The following SOX6 variants were observed in gnomAD, a reference collection of about 807,000 sequenced individuals.
The protein encoded by SOX6 is SRY-box transcription factor 6.
SOX6 carries 11 observed loss-of-function variants against 97.8 expected under a neutral mutation model. The ratio of observed to expected loss-of-function variants is 0.11; its 90% CI spans 0.07 to 0.19. The LOEUF is 0.19. Ranked by LOEUF, SOX6 falls within the 10% of genes least tolerant of loss-of-function variation. SOX6 has a pLI of 1.00. For synonymous variants in SOX6, 360 were observed against 371.4 expected, an observed-to-expected ratio of 0.97 and a Z score of 0.35; for missense variants, 810 against 1,039.5, an observed-to-expected ratio of 0.78 and a Z score of 3.04.
chr11:16,203,347 C>G (rs1851989014), intron 4 of SOX6, among the ~76,000 whole-genome samples: 2 of 152,014 alleles, frequency 1.3e-5, no homozygotes, highest in African/African-American at 2.4e-5. Flanking sequence ...GTAACTCAAG[C>G]ATTACAGCAC....
chr11:16,476,273 T>C (rs1860245829), intron 1 of SOX6: 1 of 152,420 alleles, frequency 6.6e-6, no homozygotes, highest in South Asian at 2.1e-4. Flanking sequence ...CTGTAACTGT[T>C]TCATTACACA....
At chr11:16,114,269 T>G (rs1356500606) in intron 6 of SOX6, among the ~76,000 whole-genome samples, 1 of 152,186 alleles carries the variant, frequency 6.6e-6, no homozygotes, top group East Asian at 1.9e-4. Flanking sequence ...TCTAAAGGCC[T>G]TGTTGGCAAA....
intron 8 of SOX6, 66 bp downstream of exon 8, chr11:16,097,543 A>G: frequency 7.4e-7 from 1 of 1,351,984 alleles, no homozygotes; most frequent in Non-Finnish European, 1.1e-6. Flanking sequence ...TTTAGCATAC[A>G]GCTGGTTAGC....
At chr11:16,722,609 C>T (rs1049230808) in intron 2 of SOX6, among the ~76,000 whole-genome samples, 1 of 152,010 alleles carries the variant, frequency 6.6e-6, no homozygotes, top group African/African-American at 2.4e-5. Flanking sequence ...CAAGATCACA[C>T]CACTGCACTC....
chr11:16,493,634 TATTATATTCTATAA>T (rs1484652894), intron 4 of SOX6, among the ~76,000 whole-genome samples: 2 of 152,206 alleles, frequency 1.3e-5, no homozygotes, highest in Non-Finnish European at 2.9e-5. Flanking sequence ...TGTATTTGGG[TATTATATTCTATAA>T]TAAAAAGGTT....
At chr11:16,599,353 A>G (rs1254953098) in intron 4 of SOX6, among the ~76,000 whole-genome samples, 1 of 152,236 alleles carries the variant, frequency 6.6e-6, no homozygotes, top group Non-Finnish European at 1.5e-5. Flanking sequence ...GTTGGTCACC[A>G]AAGATGCAAA....
chr11:16,199,377 T>C (rs1370287004), intron 4 of SOX6, among the ~76,000 whole-genome samples: 1 of 152,220 alleles, frequency 6.6e-6, no homozygotes, highest in African/African-American at 2.4e-5. Flanking sequence ...ATTTTTTCTC[T>C]ACTGCAACAA....
At chr11:16,565,827 T>G (rs944067259) in intron 4 of SOX6, among the ~76,000 whole-genome samples, 1 of 151,774 alleles carries the variant, frequency 6.6e-6, no homozygotes, top group Non-Finnish European at 1.5e-5. Flanking sequence ...CCGGGCGCAG[T>G]GGCTCACACC....
chr11:16,548,571 T>C (rs1410004057), intron 4 of SOX6, among the ~76,000 whole-genome samples: 1 of 152,214 alleles, frequency 6.6e-6, no homozygotes, highest in East Asian at 1.9e-4. Flanking sequence ...GGTAAAGATA[T>C]CTCAAATGCA....
chr11:16,151,289 G>A (rs1850451781), intron 6 of SOX6, among the ~76,000 whole-genome samples: 1 of 152,092 alleles, frequency 6.6e-6, no homozygotes, highest in African/African-American at 2.4e-5. Flanking sequence ...TCTCAGAGCT[G>A]ACAATAGTGC....
At chr11:16,102,094 C>T (rs1336383591) in intron 7 of SOX6, among the ~76,000 whole-genome samples, 2 of 151,836 alleles carry the variant, frequency 1.3e-5, no homozygotes, top group South Asian at 2.1e-4. Flanking sequence ...CAAAGTGTCG[C>T]TGTTTGCTCA....
intron 12 of SOX6, among the ~76,000 whole-genome samples, chr11:16,045,461 T>C (rs139203760): frequency 2.0e-4 from 30 of 152,320 alleles, no homozygotes; most frequent in Admixed American, 3.3e-4. Context: ...GTAGGCAGAA[T>C]GATCCTTTTA....
At chr11:16,462,543 T>C (rs1047309544) in intron 1 of SOX6, among the ~76,000 whole-genome samples, 4 of 152,278 alleles carry the variant, frequency 2.6e-5, no homozygotes, top group Admixed American at 1.3e-4. Flanking sequence ...TTTTTAAAGA[T>C]GGCATAAGGA....
intron 1 of SOX6, among the ~76,000 whole-genome samples, chr11:16,440,604 T>C (rs1261817804): frequency 6.6e-6 from 1 of 152,236 alleles, no homozygotes; most frequent in Non-Finnish European, 1.5e-5. Flanking sequence ...TCAGTCAGTG[T>C]CTAAAATAGT....
intron 14 of SOX6, 24 bp from the exon 15 acceptor site, chr11:15,986,444 T>C: frequency 6.2e-7 from 1 of 1,610,090 alleles, no homozygotes; most frequent in Non-Finnish European, 8.5e-7. Context: ...TAGCCTTAAG[T>C]ACCCAAGTGG....
chr11:16,606,444 C>T (rs890084036), intron 4 of SOX6, among the ~76,000 whole-genome samples: 1 of 152,290 alleles, frequency 6.6e-6, no homozygotes, highest in African/African-American at 2.4e-5. Flanking sequence ...AAAGCCGACA[C>T]GCATTTGCTT....
intron 3 of SOX6, among the ~76,000 whole-genome samples, chr11:16,693,740 T>C (rs1848032883): frequency 6.6e-6 from 1 of 152,182 alleles, no homozygotes; most frequent in Non-Finnish European, 1.5e-5. Context: ...TATGAACAAA[T>C]GTATTTGTAA....
chr11:16,096,472 T>C (rs1848797348), intron 8 of SOX6, among the ~76,000 whole-genome samples: 1 of 151,866 alleles, frequency 6.6e-6, no homozygotes, highest in Admixed American at 6.6e-5. Flanking sequence ...GTGAGGTTGC[T>C]GCTCTTCTTA....
chr11:16,305,510 A>G (rs1855401966), intron 3 of SOX6, among the ~76,000 whole-genome samples: 1 of 152,214 alleles, frequency 6.6e-6, no homozygotes. Flanking sequence ...AGTTTCTTAT[A>G]AAATCCAACG....
Sources: allele counts gnomAD v4.1 joint callset (sites outside exome capture counted in the v4.1 genomes callset), GRCh38; gene constraint gnomAD v4.1.1; transcripts MANE v1.5; gene names NCBI Gene and HGNC (gene_info 2026-07-23, HGNC 2026-07-21).